Variants in PDE3B observed in about 807,000 individuals in gnomAD.
The protein encoded by PDE3B is phosphodiesterase 3B.
In PDE3B, 66 loss-of-function variants were observed where a neutral mutation model predicts 116.8. That is an observed-to-expected ratio of 0.56 (90% CI 0.46 to 0.69). The LOEUF is 0.69. Among genes scored for constraint, PDE3B ranks in the 30% least tolerant of loss-of-function variants. The pLI is 0.00. For synonymous variants in PDE3B, 595 were observed against 533.6 expected, an observed-to-expected ratio of 1.12 and a Z score of -1.59; for missense variants, 1,384 against 1,368.1, an observed-to-expected ratio of 1.01 and a Z score of -0.18.
intron 1 of PDE3B, chr11:14,674,167 G>A (rs1854460027): frequency 1.5e-6 from 2 of 1,311,506 alleles, no homozygotes; most frequent in Admixed American, 1.7e-5. Context: ...AGGAGGCCAA[G>A]GAGTCTCACT....
chr11:14,750,195 A>G (rs1263081330), intron 1 of PDE3B, among the ~76,000 whole-genome samples: 1 of 151,742 alleles, frequency 6.6e-6, no homozygotes, highest in African/African-American at 2.4e-5. Flanking sequence ...TACTGCTTCA[A>G]ATGTTAATCT....
rs1213662402 is a variant in PDE3B, at chr11:14,806,373, G to C, written c.1522+2323G>C. 9.2e-5 allele frequency among the ~76,000 whole-genome samples: 14 copies of C among 151,896 alleles called. 1 individual carries two copies. The East Asian group carries it at 2.5e-3, about 27-fold the overall frequency. On this transcript the variant is annotated intron_variant, in intron 5 of 15. Coordinates refer to ENST00000282096, the MANE Select transcript of PDE3B (RefSeq NM_000922.4). ...TGAGGCAGGAGAATGGCATGAACCT[G>C]GAAGGCAGAGCTTGCTGTGAGCCGA...
the PDE3B span, among the ~76,000 whole-genome samples, chr11:14,894,770 A>G: frequency 6.6e-6 from 1 of 152,194 alleles, no homozygotes; most frequent in Non-Finnish European, 1.5e-5. Flanking sequence ...ATGTTCCCTC[A>G]GCTCAATAAG....
At chr11:14,680,474 A>G (rs936903928) in intron 1 of PDE3B, among the ~76,000 whole-genome samples, 4 of 152,180 alleles carry the variant, frequency 2.6e-5, no homozygotes, top group African/African-American at 9.7e-5. Context: ...ATTTTGGTTC[A>G]CTGCCTTCAT....
the PDE3B span, among the ~76,000 whole-genome samples, chr11:14,889,899 C>A: frequency 6.6e-6 from 1 of 152,092 alleles, no homozygotes; most frequent in Non-Finnish European, 1.5e-5. Flanking sequence ...GAGGCCGAGG[C>A]GGGCAGATCA....
chr11:14,809,065 A>G (rs1162425476), intron 5 of PDE3B, among the ~76,000 whole-genome samples: 1 of 152,204 alleles, frequency 6.6e-6, no homozygotes, highest in East Asian at 1.9e-4. Context: ...AATAAAAAAG[A>G]AGAAAAAGTA....
chr11:14,666,934 G>A (rs946571680), intron 1 of PDE3B, among the ~76,000 whole-genome samples: 6 of 151,722 alleles, frequency 4.0e-5, no homozygotes, highest in Non-Finnish European at 8.9e-5. Flanking sequence ...CCATTACTGG[G>A]TATATACCCA....
intron 1 of PDE3B, among the ~76,000 whole-genome samples, chr11:14,758,945 A>G (rs2133884596): frequency 6.6e-6 from 1 of 152,140 alleles, no homozygotes; most frequent in African/African-American, 2.4e-5. Context: ...ACGTCCCATC[A>G]ATACCTAATT....
intron 4 of PDE3B, among the ~76,000 whole-genome samples, chr11:14,797,734 T>C (rs942167543): frequency 1.1e-4 from 17 of 152,328 alleles, no homozygotes; most frequent in African/African-American, 3.6e-4. Context: ...CTTGTTTGTC[T>C]GTTTTTGTTG....
chr11:14,781,071 G>A (rs1480040476), intron 2 of PDE3B, among the ~76,000 whole-genome samples: 2 of 152,114 alleles, frequency 1.3e-5, no homozygotes, highest in Non-Finnish European at 2.9e-5. Context: ...TAGAAGAAAT[G>A]GATAAATTCC....
At chr11:14,727,208 CT>C (rs944795758) in intron 1 of PDE3B, among the ~76,000 whole-genome samples, 2 of 152,106 alleles carry the variant, frequency 1.3e-5, no homozygotes, top group Admixed American at 1.3e-4. Flanking sequence ...TATTATATAA[CT>C]ATCATAGATG....
chr11:14,679,125 G>A (rs1263611660), intron 1 of PDE3B, among the ~76,000 whole-genome samples: 1 of 151,762 alleles, frequency 6.6e-6, no homozygotes, highest in Non-Finnish European at 1.5e-5. Flanking sequence ...CATTCCCTCT[G>A]CCAATACCAC....
chr11:14,708,688 C>T (rs902162233), intron 1 of PDE3B, among the ~76,000 whole-genome samples: 1 of 151,786 alleles, frequency 6.6e-6, no homozygotes, highest in Non-Finnish European at 1.5e-5. Context: ...GAGAATATTC[C>T]TCATCTTAGG....
downstream of PDE3B, among the ~76,000 whole-genome samples, chr11:14,875,232 G>A (rs1555009556): frequency 6.6e-6 from 1 of 152,072 alleles, no homozygotes; most frequent in Non-Finnish European, 1.5e-5. Context: ...GCTATCCCGT[G>A]AAGAATGGGC....
the PDE3B span, among the ~76,000 whole-genome samples, chr11:14,882,937 C>T: frequency 2.0e-5 from 3 of 152,046 alleles, no homozygotes; most frequent in African/African-American, 7.2e-5. Flanking sequence ...TTCACAATTG[C>T]TTCAAAGAGA....
intron 3 of PDE3B, among the ~76,000 whole-genome samples, chr11:14,787,236 A>G (rs1858234492): frequency 6.6e-6 from 1 of 151,938 alleles, no homozygotes; most frequent in African/African-American, 2.4e-5. Context: ...TCAAAATAGG[A>G]TTTTCTTTAG....
At chr11:14,880,020 T>A in the PDE3B span, 1 of 967,442 alleles carries the variant, frequency 1.0e-6, no homozygotes, top group Non-Finnish European at 1.6e-6. Flanking sequence ...ATTTCTATAC[T>A]TGGCTGGCAT....
At chr11:14,867,260 G>T (rs1555008208) in intron 14 of PDE3B, among the ~76,000 whole-genome samples, 2 of 152,120 alleles carry the variant, frequency 1.3e-5, no homozygotes, top group Non-Finnish European at 2.9e-5. Flanking sequence ...TAATAGATCT[G>T]TATGTTTCTT....
chr11:14,880,948 T>G, the PDE3B span, among the ~76,000 whole-genome samples: 2 of 152,020 alleles, frequency 1.3e-5, no homozygotes, highest in Non-Finnish European at 2.9e-5. Flanking sequence ...ACAGATAAAG[T>G]TTTTCTACTC....
Sources: allele counts gnomAD v4.1 joint callset (sites outside exome capture counted in the v4.1 genomes callset), GRCh38; gene constraint gnomAD v4.1.1; transcripts MANE v1.5; gene names NCBI Gene and HGNC (gene_info 2026-07-23, HGNC 2026-07-21).